Variants in CFAP44 observed in about 807,000 individuals in gnomAD.
The protein encoded by CFAP44 is cilia and flagella associated protein 44, also known as cilia- and flagella-associated protein 44.
Under a neutral mutation model 216.2 loss-of-function variants are expected in CFAP44, and 134 were observed. The observed-to-expected ratio is 0.62, with a 90% CI of 0.54 to 0.72. The LOEUF (loss-of-function observed/expected upper bound fraction) is 0.72. Among genes scored for constraint, CFAP44 ranks in the 30% least tolerant of loss-of-function variants. CFAP44 has a pLI of 0.00. For synonymous variants in CFAP44, 700 were observed against 727.6 expected (o/e 0.96, Z 0.61); for missense variants, 2,035 against 2,182.1 (o/e 0.93, Z 1.34).
intron 7 of CFAP44, 31 bp from the exon 8 acceptor site, chr3:113,407,072 C>G: frequency 6.7e-7 from 1 of 1,499,368 alleles, no homozygotes; most frequent in Non-Finnish European, 9.3e-7. Context: ...GAATGTACCT[C>G]AAAGATATTT....
intron 2 of CFAP44, among the ~76,000 whole-genome samples, chr3:113,431,383 G>A (rs1935101732): frequency 6.6e-6 from 1 of 152,174 alleles, no homozygotes; most frequent in Non-Finnish European, 1.5e-5. Flanking sequence ...TGAAGGCAAT[G>A]CTAGACAAAG....
chr3:113,334,096 C>T (rs1950262597), intron 24 of CFAP44, among the ~76,000 whole-genome samples: 1 of 152,062 alleles, frequency 6.6e-6, no homozygotes, highest in Non-Finnish European at 1.5e-5. Context: ...GGACTACAGG[C>T]ATGCGCCACC....
chr3:113,381,098 A>G (rs1421103152), intron 15 of CFAP44, 38 bp from the exon 16 acceptor site: 1 of 1,453,210 alleles, frequency 6.9e-7, no homozygotes, highest in African/African-American at 1.4e-5. Flanking sequence ...CATTTAGGCA[A>G]ATTTTTAAAA....
rs546056012 is a variant in CFAP44, at chr3:113,290,135, T to A, written c.*1422A>T. 7 of 152,246 alleles carry A rather than the reference T, an allele frequency of 4.6e-5. No homozygotes were observed. In the South Asian group the frequency reaches 1.5e-3, roughly 32 times the overall value. 9.4% of individuals were successfully genotyped at this position (152,246 alleles called of 1,614,324 possible). On this transcript the variant is annotated 3_prime_UTR_variant, in exon 35 of 35. Coordinates refer to ENST00000393845, the MANE Select transcript of CFAP44 (RefSeq NM_001164496.2). ...CTCAGGGCTATGACTAGCATATTTT[T>A]AAAAATACTTGAAAGGCACACATGG... is the stretch of plus-strand genomic sequence containing the variant.
intron 4 of CFAP44, 80 bp from the exon 5 acceptor site, chr3:113,420,259 A>T: frequency 7.2e-7 from 1 of 1,381,612 alleles, no homozygotes; most frequent in Non-Finnish European, 9.6e-7. Flanking sequence ...TAAATTTTTA[A>T]ATCTATACTC....
At chr3:113,430,443 A>AC (rs1278527560) in intron 2 of CFAP44, among the ~76,000 whole-genome samples, 22 of 148,206 alleles carry the variant, frequency 1.5e-4, no homozygotes, top group African/African-American at 4.6e-4. Flanking sequence ...AAAAAAAAAA[A>AC]AACAAAGTAA....
chr3:113,324,058 A>AAAAAAAAAAAAG (rs1553753480), intron 28 of CFAP44, among the ~76,000 whole-genome samples: 86 of 151,596 alleles, frequency 5.7e-4, no homozygotes, highest in African/African-American at 2.0e-3. Flanking sequence ...AAAAAAAAAA[A>AAAAAAAAAAAAG]AGAGAGAAAT....
At chr3:113,339,642 T>G (rs905136271) in intron 24 of CFAP44, among the ~76,000 whole-genome samples, 7 of 152,190 alleles carry the variant, frequency 4.6e-5, no homozygotes, top group Admixed American at 1.3e-4. Context: ...TGCCTGGCTT[T>G]GGATCCCTCA....
chr3:113,333,004 A>G (rs148922119), intron 25 of CFAP44, among the ~76,000 whole-genome samples: 1 of 152,334 alleles, frequency 6.6e-6, no homozygotes, highest in Non-Finnish European at 1.5e-5. Context: ...TGCTAACTCA[A>G]CAAAGATGTA....
intron 28 of CFAP44, among the ~76,000 whole-genome samples, chr3:113,325,756 C>T (rs866746297): frequency 6.6e-6 from 1 of 152,078 alleles, no homozygotes; most frequent in Admixed American, 6.5e-5. Context: ...ATAGCTACAA[C>T]AATTTTACAA....
Position 113,412,416 on chromosome 3 carries a change from TAA to T in CFAP44, c.674-3096_674-3095del, listed in dbSNP as rs71134889. Among the ~76,000 whole-genome samples the T allele has an allele frequency of 8.1e-5, 12 of 147,534 alleles. No homozygotes were observed. In the South Asian group the frequency reaches 2.6e-3, roughly 32 times the overall value. On this transcript the variant is annotated intron_variant, in intron 6 of 34. Coordinates refer to ENST00000393845, the MANE Select transcript of CFAP44 (RefSeq NM_001164496.2). ...TTAAATATATCTCTTTTATTTCTTC[TAA>T]AAAAAAAAAGATACATGTGCAGAAC...
chr3:113,343,275 C>T (rs372243181), intron 23 of CFAP44, among the ~76,000 whole-genome samples: 172 of 152,086 alleles, frequency 1.1e-3, no homozygotes, highest in African/African-American at 3.9e-3. Context: ...GTTGGCCAGG[C>T]TGGCCTCGGA....
At chr3:113,300,068 T>C (rs1199052207) in intron 32 of CFAP44, among the ~76,000 whole-genome samples, 2 of 152,176 alleles carry the variant, frequency 1.3e-5, no homozygotes, top group Non-Finnish European at 1.5e-5. Context: ...AGAACATGTA[T>C]GGATCTGAAG....
At chr3:113,315,159 T>TATCCAATGA (rs201916710) in intron 28 of CFAP44, among the ~76,000 whole-genome samples, 5,692 of 152,178 alleles carry the variant, frequency 0.037, 132 homozygotes, top group African/African-American at 0.072. Flanking sequence ...ATGAAAAACA[T>TATCCAATGA]TATCCAATCA....
In CFAP44 at chr3:113,420,182, G is replaced by A. The variant is rs1559943986; in HGVS notation, c.408-3C>T. The A allele has an allele frequency of 6.2e-7, 1 of 1,606,240 alleles. No homozygotes were observed. The highest frequency in any genetic ancestry group is 2.2e-5 in the East Asian group (1 of 44,706). ...TACAGTCATAACCAAAAGAATGTCTGAGGGAAAGTTGCTAAGGAAAAGAAG... is the reference window on the plus strand; with the variant it reads ...TACAGTCATAACCAAAAGAATGTCTAAGGGAAAGTTGCTAAGGAAAAGAAG... On this transcript the variant is annotated splice_polypyrimidine_tract_variant and splice_region_variant and intron_variant, in intron 4 of 34. Transcript: ENST00000393845.
At chr3:113,361,046 G>A in intron 21 of CFAP44, 1 of 268,936 alleles carries the variant, frequency 3.7e-6, no homozygotes, top group South Asian at 5.1e-5. Flanking sequence ...AGGATTCCTG[G>A]CTATTACCAA....
At chr3:113,332,278 C>T (rs145534563) in intron 25 of CFAP44, among the ~76,000 whole-genome samples, 2 of 152,092 alleles carry the variant, frequency 1.3e-5, no homozygotes, top group East Asian at 3.8e-4. Context: ...ATGGTCATTA[C>T]TAAAATGTCC....
chr3:113,302,481 G>C (rs945340392), intron 32 of CFAP44, among the ~76,000 whole-genome samples: 1 of 73,296 alleles, frequency 1.4e-5, no homozygotes, highest in Non-Finnish European at 2.8e-5. Flanking sequence ...AAAAAAAAAA[G>C]ATAGCCAGGC....
At chr3:113,340,257 C>T (rs558617568) in intron 24 of CFAP44, among the ~76,000 whole-genome samples, 59 of 152,280 alleles carry the variant, frequency 3.9e-4, no homozygotes, top group African/African-American at 1.3e-3. Flanking sequence ...GGAGGCTGAG[C>T]CTAATGCTCA....
Sources: allele counts gnomAD v4.1 joint callset (sites outside exome capture counted in the v4.1 genomes callset), GRCh38; gene constraint gnomAD v4.1.1; transcripts MANE v1.5; gene names NCBI Gene and HGNC (gene_info 2026-07-23, HGNC 2026-07-21).